The following PLCG2 variants were observed in gnomAD, a reference collection of about 807,000 sequenced individuals.
The protein encoded by PLCG2 is 1-phosphatidylinositol 4,5-bisphosphate phosphodiesterase gamma-2.
In PLCG2, 69 loss-of-function variants were observed where a neutral mutation model predicts 175.6. The observed-to-expected ratio is 0.39, with a 90% confidence interval of 0.32 to 0.48. The LOEUF is 0.48. Ranked by LOEUF, PLCG2 falls within the 20% of genes least tolerant of loss-of-function variation. The pLI is 0.91. For missense variants in PLCG2, 1,798 were observed against 1,650.9 expected (o/e 1.09, Z -1.54); for synonymous variants, 827 against 624.0 (o/e 1.33, Z -4.85).
At chr16:81,803,838 C>T (rs750317192) in intron 2 of PLCG2, among the ~76,000 whole-genome samples, 5 of 152,050 alleles carry the variant, frequency 3.3e-5, no homozygotes, top group Non-Finnish European at 5.9e-5. Context: ...TGTACCACCA[C>T]ACCTGGCTAA....
At chr16:81,855,323 CTCACTT>C (rs765326216) in intron 3 of PLCG2, among the ~76,000 whole-genome samples, 3 of 152,138 alleles carry the variant, frequency 2.0e-5, no homozygotes, top group Non-Finnish European at 4.4e-5. Flanking sequence ...ATGCACTTTC[CTCACTT>C]TACTCAGGGG....
chr16:81,763,134 A>T (rs1032794594), intron 2 of PLCG2, among the ~76,000 whole-genome samples: 14 of 152,242 alleles, frequency 9.2e-5, no homozygotes, highest in African/African-American at 3.4e-4. Flanking sequence ...TTTGATTTAG[A>T]GGAGACTGAA....
intron 2 of PLCG2, among the ~76,000 whole-genome samples, chr16:81,805,779 TTTTG>T (rs1365656272): frequency 0.05 from 5,288 of 104,812 alleles, 423 homozygotes; most frequent in Non-Finnish European, 0.08. Context: ...TTTTTTTTTT[TTTTG>T]TTTTTTTTTT....
intron 4 of PLCG2, 127 bp from the exon 5 acceptor site, chr16:81,858,989 A>G: frequency 1.7e-6 from 1 of 582,544 alleles, no homozygotes; most frequent in Non-Finnish European, 3.0e-6. Flanking sequence ...TGCCCTTGTT[A>G]GAAAGTTGGA....
At chr16:81,805,548 A>C (rs919315945) in intron 2 of PLCG2, among the ~76,000 whole-genome samples, 1 of 151,024 alleles carries the variant, frequency 6.6e-6, no homozygotes, top group African/African-American at 2.4e-5. Context: ...AAAAAAAACC[A>C]AAAACAAAAG....
At chr16:81,884,963 C>G (rs1908282086) in intron 9 of PLCG2, among the ~76,000 whole-genome samples, 1 of 152,130 alleles carries the variant, frequency 6.6e-6, no homozygotes, top group Non-Finnish European at 1.5e-5. Flanking sequence ...TAACAGCTCA[C>G]TGCAGCCTCG....
chr16:81,802,802 C>G (rs951704499), intron 2 of PLCG2, among the ~76,000 whole-genome samples: 2 of 152,032 alleles, frequency 1.3e-5, no homozygotes. Flanking sequence ...AACTCCTGAC[C>G]TCAGGTGATC....
rs79668956 is a variant in PLCG2, at chr16:81,881,093, C to T, written c.692+140C>T. 4.7e-3 allele frequency: 3,527 copies of T among 752,806 alleles called. 82 individuals are homozygous for T. The African/African-American group carries it at 0.056, about 12-fold the overall frequency. The allele number at this position is 752,806 out of a possible 1,614,324, so 46.6% of individuals were successfully genotyped here. ...CAGGGGGCCCCTGCTGGGGAATTGG[C>T]CATCCCATGCCTGTGGCGTGGATAG... On this transcript the variant is annotated intron_variant, in intron 8 of 32. Transcript: ENST00000564138.
chr16:81,774,396 C>T (rs1157254116), upstream of PLCG2, among the ~76,000 whole-genome samples: 2 of 151,978 alleles, frequency 1.3e-5, no homozygotes, highest in African/African-American at 4.8e-5. Flanking sequence ...AAGCTGGCCA[C>T]AATTTAAATA....
chr16:81,747,174 G>A (rs1180608108), intron 1 of PLCG2, among the ~76,000 whole-genome samples: 1 of 152,216 alleles, frequency 6.6e-6, no homozygotes, highest in Non-Finnish European at 1.5e-5. Context: ...TGCAGCTTCA[G>A]TGATTCCCCC....
chr16:81,796,616 T>C (rs1332234575), intron 2 of PLCG2, among the ~76,000 whole-genome samples: 3 of 152,196 alleles, frequency 2.0e-5, no homozygotes, highest in Non-Finnish European at 4.4e-5. Flanking sequence ...TCTTTGCAGA[T>C]GTAATTAGTT....
rs1033830262 is a variant in PLCG2 at position 81,946,816 on chromosome 16, A to G, written c.3570+553A>G. ...CTCAGATATAGAATTAGTGGGATCA[A>G]TTAATTTAGCTGAATGGTAAAACTG... On this transcript the variant is annotated intron_variant, in intron 31 of 32. Coordinates refer to ENST00000564138, the MANE Select transcript of PLCG2 (RefSeq NM_002661.5). 5.9e-5 allele frequency among the ~76,000 whole-genome samples: 9 copies of G among 152,140 alleles called. No homozygotes were observed. The East Asian group carries it at 1.6e-3, about 26-fold the overall frequency.
intron 2 of PLCG2, among the ~76,000 whole-genome samples, chr16:81,763,609 C>T (rs924603571): frequency 6.6e-6 from 1 of 152,196 alleles, no homozygotes; most frequent in Non-Finnish European, 1.5e-5. Flanking sequence ...TTGTGTGCCT[C>T]AAGCCAGGCA....
rs1357355420 is a variant in PLCG2 at position 81,919,566 on chromosome 16, C to G, written c.2137C>G (p.Leu713Val). Residue 713 changes from leucine (L) to valine (V), a missense_variant, in exon 20 of 33, where the codon CTG becomes GTG. Coordinates refer to ENST00000564138, the MANE Select transcript of PLCG2 (RefSeq NM_002661.5). ...VLGTSAYFES[L>V]VELVSYYEKH... ...GGGGACCTCCGCCTATTTTGAGAGTCTGGTGGAGCTCGTCAGTTACTACGA... is the reference window on the plus strand; with the variant it reads ...GGGGACCTCCGCCTATTTTGAGAGTGTGGTGGAGCTCGTCAGTTACTACGA... The G allele has an allele frequency of 1.2e-6, 2 of 1,614,062 alleles. No individual in the cohort carries two copies. Among genetic ancestry groups the G allele is most frequent in the Non-Finnish European group, 1.7e-6 (2 of 1,179,900 alleles).
At chr16:81,823,468 G>A (rs949359337) in intron 2 of PLCG2, among the ~76,000 whole-genome samples, 4 of 152,228 alleles carry the variant, frequency 2.6e-5, no homozygotes, top group African/African-American at 7.2e-5. Context: ...GATCTCTGAA[G>A]TGAGCCCCTT....
At chr16:81,745,940 G>A (rs1160655616) in intron 1 of PLCG2, among the ~76,000 whole-genome samples, 2 of 152,218 alleles carry the variant, frequency 1.3e-5, no homozygotes, top group Non-Finnish European at 2.9e-5. Context: ...CTGTAGGGGC[G>A]AGACTAGCCC....
chr16:81,885,912 A>C (rs1470374689), intron 9 of PLCG2, among the ~76,000 whole-genome samples: 1 of 152,196 alleles, frequency 6.6e-6, no homozygotes, highest in African/African-American at 2.4e-5. Flanking sequence ...AAGAAGGCTT[A>C]TTTGCCCAAC....
intron 2 of PLCG2, among the ~76,000 whole-genome samples, chr16:81,815,611 G>A (rs1224154402): frequency 6.6e-6 from 1 of 152,168 alleles, no homozygotes; most frequent in Non-Finnish European, 1.5e-5. Context: ...GGGCTCAAAA[G>A]CCACTCAGAA....
intron 7 of PLCG2, among the ~76,000 whole-genome samples, chr16:81,877,759 C>T (rs1012379130): frequency 3.9e-5 from 6 of 151,928 alleles, no homozygotes; most frequent in South Asian, 2.1e-4. Flanking sequence ...CGCTTCTTGG[C>T]GTGTAGATGT....
Sources: allele counts gnomAD v4.1 joint callset (sites outside exome capture counted in the v4.1 genomes callset), GRCh38; gene constraint gnomAD v4.1.1; transcripts MANE v1.5; gene names NCBI Gene and HGNC (gene_info 2026-07-23, HGNC 2026-07-21).